Variants in NAPEPLD observed in about 807,000 individuals in gnomAD.
NAPEPLD encodes N-acyl phosphatidylethanolamine phospholipase D.
NAPEPLD carries 23 observed loss-of-function variants against 38.1 expected under a neutral mutation model. The ratio of observed to expected loss-of-function variants is 0.60; its 90% CI spans 0.43 to 0.86. The LOEUF is 0.86. Ranked by LOEUF, NAPEPLD falls within the 40% of genes least tolerant of loss-of-function variation. The pLI is 0.00. For missense variants in NAPEPLD, 411 were observed against 476.8 expected (o/e 0.86, Z 1.28); for synonymous variants, 147 against 162.0 (o/e 0.91, Z 0.71).
chr7:103,124,978 T>TA (rs1807466938), intron 2 of NAPEPLD, among the ~76,000 whole-genome samples: 1 of 152,318 alleles, frequency 6.6e-6, no homozygotes, highest in South Asian at 2.1e-4. Flanking sequence ...TTAACATACT[T>TA]ACAATTTTAA....
Position 103,101,196 on chromosome 7 carries a change from A to T in NAPEPLD, c.*2233T>A, listed in dbSNP as rs897913267. 1 of 152,200 alleles carries T rather than the reference A, an allele frequency of 6.6e-6. No individual in the cohort carries two copies. Among genetic ancestry groups the T allele is most frequent in the Middle Eastern group, 3.4e-3 (1 of 294 alleles). The allele number at this position is 152,200 out of a possible 1,614,324, so 9.4% of individuals were successfully genotyped here. A position where few individuals can be genotyped will look rare whatever the true frequency, so the allele number is the denominator to read the frequency against. ...CACACCTCAAAGCTAACTCACCATAAACCTAACATCTTGATTCACATCTGC... is the reference window on the plus strand; with the variant it reads ...CACACCTCAAAGCTAACTCACCATATACCTAACATCTTGATTCACATCTGC... On this transcript the variant is annotated 3_prime_UTR_variant, in exon 5 of 5. Coordinates refer to ENST00000465647, the MANE Select transcript of NAPEPLD (RefSeq NM_001122838.3).
chr7:103,149,015 G>C lies in NAPEPLD; in HGVS notation c.-221C>G, dbSNP rs1194573930. The C allele has an allele frequency of 1.0e-6, 1 of 985,344 alleles. No individual in the cohort carries two copies. Among genetic ancestry groups the C allele is most frequent in the Non-Finnish European group, 1.2e-6 (1 of 829,966 alleles). 61.0% of individuals were successfully genotyped at this position (985,344 alleles called of 1,614,324 possible). On this transcript the variant is annotated 5_prime_UTR_variant, in exon 1 of 5. Transcript: ENST00000465647. ...CTCACAAGTGCGGCATCTCCGAGAT[G>C]AGGGAGGGCTCGGGGACGGGAAACC...
At chr7:103,135,669 A>G (rs182650626) in intron 1 of NAPEPLD, among the ~76,000 whole-genome samples, 1 of 152,296 alleles carries the variant, frequency 6.6e-6, no homozygotes, top group Admixed American at 6.5e-5. Context: ...GTATGACAAC[A>G]TTTAATAATA....
chr7:103,134,520 T>C (rs1337096873), intron 1 of NAPEPLD, among the ~76,000 whole-genome samples: 3 of 152,014 alleles, frequency 2.0e-5, no homozygotes, highest in Admixed American at 6.6e-5. Context: ...CATGGTGGTG[T>C]ATGCCTGTAG....
intron 1 of NAPEPLD, among the ~76,000 whole-genome samples, chr7:103,130,539 C>T (rs933406602): frequency 3.3e-5 from 5 of 152,192 alleles, no homozygotes; most frequent in African/African-American, 1.2e-4. Flanking sequence ...TTGGCACTCA[C>T]AAATGCTCAT....
chr7:103,145,901 G>T (rs905624870), intron 1 of NAPEPLD, among the ~76,000 whole-genome samples: 2 of 146,374 alleles, frequency 1.4e-5, no homozygotes, highest in African/African-American at 5.0e-5. Flanking sequence ...AAAAAAAAAA[G>T]AATTTGAGTC....
intron 4 of NAPEPLD, among the ~76,000 whole-genome samples, chr7:103,111,844 T>G (rs768265695): frequency 1.3e-5 from 2 of 152,136 alleles, no homozygotes; most frequent in Non-Finnish European, 2.9e-5. Context: ...GGAGAAAATT[T>G]TTGCAATCTA....
chr7:103,102,615 G>A lies in NAPEPLD; in HGVS notation c.*814C>T, dbSNP rs2129525709. On this transcript the variant is annotated 3_prime_UTR_variant, in exon 5 of 5. Transcript: ENST00000465647. ...CCCACCTTGGCCTCCCAAAGTAAGA[G>A]GTCTTTTGGGAATTGTAGACGTGCA... 6.6e-6 allele frequency: 1 copy of A among 152,058 alleles called. No homozygotes were observed. The highest frequency in any genetic ancestry group is 1.5e-5 in the Non-Finnish European group (1 of 67,986). 9.4% of individuals were successfully genotyped at this position (152,058 alleles called of 1,614,324 possible).
chr7:103,132,239 C>T (rs951352855), intron 1 of NAPEPLD, among the ~76,000 whole-genome samples: 3 of 152,206 alleles, frequency 2.0e-5, no homozygotes, highest in African/African-American at 7.2e-5. Flanking sequence ...CATTTAAACT[C>T]ATGCTCCTAG....
intron 2 of NAPEPLD, chr7:103,127,993 C>G (rs541306786): frequency 6.5e-6 from 1 of 153,834 alleles, no homozygotes; most frequent in African/African-American, 2.4e-5. Flanking sequence ...CTCCCTTTCA[C>G]AGCTTTGGTA....
At chr7:103,148,767 G>A (rs1813133179) in intron 1 of NAPEPLD, 44 bp downstream of exon 1, 1 of 971,728 alleles carries the variant, frequency 1.0e-6, no homozygotes, top group Non-Finnish European at 1.2e-6. Flanking sequence ...GGAGGAAGTT[G>A]TCGACCCATT....
intron 1 of NAPEPLD, among the ~76,000 whole-genome samples, chr7:103,142,684 G>A (rs941705048): frequency 6.6e-6 from 1 of 152,128 alleles, no homozygotes; most frequent in African/African-American, 2.4e-5. Context: ...CAAAAAAAGG[G>A]AAATATAATC....
intron 1 of NAPEPLD, chr7:103,148,016 T>G: frequency 1.0e-6 from 1 of 983,910 alleles, no homozygotes; most frequent in Non-Finnish European, 1.2e-6. Context: ...ATCACACTAT[T>G]GTGGGATATA....
chr7:103,125,709 C>A (rs542369333), intron 2 of NAPEPLD, among the ~76,000 whole-genome samples: 3 of 151,932 alleles, frequency 2.0e-5, no homozygotes, highest in Admixed American at 6.6e-5. Context: ...CATGGTGAAA[C>A]CCCATCTCTA....
chr7:103,141,924 G>A (rs1042433683), intron 1 of NAPEPLD: 2 of 988,546 alleles, frequency 2.0e-6, no homozygotes, highest in Middle Eastern at 5.1e-4. Context: ...CTCTTCTGAA[G>A]CCTGAGCATA....
At chr7:103,109,635 A>G (rs1804110289) in intron 4 of NAPEPLD, among the ~76,000 whole-genome samples, 5 of 152,182 alleles carry the variant, frequency 3.3e-5, no homozygotes. Flanking sequence ...AAATGCCCAC[A>G]AGAGAAAGCG....
chr7:103,128,307 T>C (rs1423787491), intron 2 of NAPEPLD, 176 bp downstream of exon 2: 4 of 684,388 alleles, frequency 5.8e-6, no homozygotes, highest in Non-Finnish European at 9.6e-6. Context: ...CAGATCAGGG[T>C]TGGTTATTCC....
At chr7:103,115,032 A>C (rs375044996) in intron 4 of NAPEPLD, 28 bp downstream of exon 4, 1 of 1,549,912 alleles carries the variant, frequency 6.5e-7, no homozygotes, top group African/African-American at 1.4e-5. Flanking sequence ...CAAACACACA[A>C]AGTTATTTTT....
chr7:103,118,635 T>C (rs1435347819), intron 3 of NAPEPLD, among the ~76,000 whole-genome samples: 2 of 152,272 alleles, frequency 1.3e-5, no homozygotes, highest in African/African-American at 4.8e-5. Context: ...TATCTGTCCA[T>C]GCACTATAGA....
Sources: gnomAD v4.1 joint callset for allele counts (sites outside exome capture counted in the v4.1 genomes callset) on GRCh38, gnomAD v4.1.1 for gene constraint, MANE v1.5 for transcripts, NCBI Gene and HGNC (gene_info 2026-07-23, HGNC 2026-07-21) for gene names.